Variants in METTL22 observed in about 807,000 individuals in gnomAD.
The protein encoded by METTL22 is methyltransferase-like protein 22.
METTL22 carries 51 observed loss-of-function variants against 48.4 expected under a neutral mutation model. That is an observed-to-expected ratio of 1.05 (90% CI 0.84 to 1.33). METTL22 has a LOEUF of 1.33. Among genes scored for constraint, METTL22 ranks in the 40% most tolerant of loss-of-function variants. The probability of loss-of-function intolerance (pLI) is 0.00; values close to 1 mark genes in which losing one functional copy is unlikely to be tolerated. For missense variants in METTL22, 678 were observed against 526.9 expected (o/e 1.29, Z -2.81); for synonymous variants, 255 against 214.1 (o/e 1.19, Z -1.67).
At chr16:8,645,466 A>G (rs890455667) in intron 10 of METTL22, among the ~76,000 whole-genome samples, 1 of 152,176 alleles carries the variant, frequency 6.6e-6, no homozygotes, top group Non-Finnish European at 1.5e-5. Flanking sequence ...AGCAGCCCCA[A>G]TACATGATGC....
chr16:8,651,084 A>G (rs892428566), downstream of METTL22, among the ~76,000 whole-genome samples: 3 of 151,744 alleles, frequency 2.0e-5, no homozygotes, highest in Non-Finnish European at 4.4e-5. Context: ...TCACAGAATT[A>G]TTGTAAAGAT....
Position 8,645,966 on chromosome 16 carries a change from C to T in METTL22, c.1180-142C>T, listed in dbSNP as rs1185817561. On this transcript the variant is annotated intron_variant, in intron 10 of 10. Transcript: ENST00000381920. ...GCAACAAAGAAAGGAGGAAGCCGCC[C>T]GTCCGCTCCTGCCCCAGCTCGCCTG... 25 of 1,262,146 alleles carry T rather than the reference C, an allele frequency of 2.0e-5. No individual in the cohort carries two copies. In the Admixed American group the frequency reaches 1.1e-3, roughly 56 times the overall value. The allele number at this position is 1,262,146 out of a possible 1,614,324, so 78.2% of individuals were successfully genotyped here. A position where few individuals can be genotyped will look rare whatever the true frequency, so the allele number is the denominator to read the frequency against.
intron 5 of METTL22, among the ~76,000 whole-genome samples, chr16:8,636,435 G>T (rs1349862115): frequency 6.6e-6 from 1 of 151,422 alleles, no homozygotes; most frequent in Non-Finnish European, 1.5e-5. Context: ...CTACTTGGGA[G>T]GCTTGAACCT....
downstream of METTL22, among the ~76,000 whole-genome samples, chr16:8,652,806 G>T (rs1169499186): frequency 6.6e-6 from 1 of 152,144 alleles, no homozygotes; most frequent in Non-Finnish European, 1.5e-5. Flanking sequence ...ATGGGTCTGT[G>T]CATCAGTGAT....
chr16:8,641,250 C>T, intron 7 of METTL22, 66 bp downstream of exon 7: 1 of 1,523,298 alleles, frequency 6.6e-7, no homozygotes, highest in Non-Finnish European at 9.1e-7. Context: ...CTCAGTGCCC[C>T]TGGCTCTGTG....
chr16:8,664,985 G>A, the METTL22 span, among the ~76,000 whole-genome samples: 1 of 152,152 alleles, frequency 6.6e-6, no homozygotes, highest in Non-Finnish European at 1.5e-5. Flanking sequence ...TCCCTGGGGA[G>A]GAGGGACTCA....
chr16:8,644,410 C>A, intron 9 of METTL22, 147 bp from the exon 10 acceptor site: 1 of 740,388 alleles, frequency 1.4e-6, no homozygotes, highest in Non-Finnish European at 2.2e-6. Context: ...GAATTGCACT[C>A]ACACACTCAG....
chr16:8,638,724 C>G (rs1053226116), intron 5 of METTL22, among the ~76,000 whole-genome samples: 1 of 152,162 alleles, frequency 6.6e-6, no homozygotes, highest in Non-Finnish European at 1.5e-5. Flanking sequence ...TGACTTTGCT[C>G]AAGTCACTTA....
In METTL22 at chr16:8,623,157, T is replaced by A. The variant is rs571929660; in HGVS notation, c.-171+1382T>A. Among the ~76,000 whole-genome samples the A allele has an allele frequency of 2.0e-5, 3 of 151,910 alleles. No homozygotes were observed. In the East Asian group the frequency reaches 5.8e-4, roughly 29 times the overall value. On this transcript the variant is annotated intron_variant, in intron 1 of 10. Coordinates refer to ENST00000381920, the MANE Select transcript of METTL22 (RefSeq NM_024109.4). ...GGCAAAACCCCATCTTTACTAAAAA[T>A]ACAAAAATTAGGTGGACATTGTGGT...
At chr16:8,660,228 G>A in the METTL22 span, among the ~76,000 whole-genome samples, 2 of 152,046 alleles carry the variant, frequency 1.3e-5, no homozygotes, top group Admixed American at 1.3e-4. Context: ...CCAGGCTGGA[G>A]TGCAGTGGTG....
chr16:8,625,908 T>C, intron 2 of METTL22, 110 bp downstream of exon 2: 1 of 1,349,546 alleles, frequency 7.4e-7, no homozygotes, highest in Non-Finnish European at 1.0e-6. Flanking sequence ...ACTGTTATCC[T>C]CAGACCACTT....
chr16:8,665,967 C>G, the METTL22 span, among the ~76,000 whole-genome samples: 1 of 152,186 alleles, frequency 6.6e-6, no homozygotes, highest in Non-Finnish European at 1.5e-5. Context: ...TGAGCACAGA[C>G]TATGATAGCC....
rs983220357 is a variant in METTL22, at chr16:8,645,963, G to A, written c.1180-145G>A. 27 of 1,265,080 alleles carry A rather than the reference G, an allele frequency of 2.1e-5. No homozygotes were observed. The African/African-American group carries it at 2.8e-4, about 13-fold the overall frequency. 78.4% of individuals were successfully genotyped at this position (1,265,080 alleles called of 1,614,324 possible). A position where few individuals can be genotyped will look rare whatever the true frequency, so the allele number is the denominator to read the frequency against. On this transcript the variant is annotated intron_variant, in intron 10 of 10. Transcript: ENST00000381920. Reference sequence around the variant, plus strand: ...AGAGCAACAAAGAAAGGAGGAAGCCGCCCGTCCGCTCCTGCCCCAGCTCGC... The same window carrying A: ...AGAGCAACAAAGAAAGGAGGAAGCCACCCGTCCGCTCCTGCCCCAGCTCGC...
chr16:8,650,013 A>G (rs1446987615), downstream of METTL22, among the ~76,000 whole-genome samples: 3 of 152,086 alleles, frequency 2.0e-5, no homozygotes, highest in Admixed American at 6.5e-5. Context: ...AAGTTGCAAC[A>G]TGTCATCCCT....
intron 3 of METTL22, among the ~76,000 whole-genome samples, chr16:8,633,726 A>G (rs1446250071): frequency 6.6e-6 from 1 of 152,144 alleles, no homozygotes; most frequent in Non-Finnish European, 1.5e-5. Context: ...ATCCAATAAT[A>G]CTCGAAGCTG....
chr16:8,641,946 C>T, intron 7 of METTL22, 181 bp from the exon 8 acceptor site: 2 of 631,912 alleles, frequency 3.2e-6, no homozygotes, highest in Non-Finnish European at 5.7e-6. Flanking sequence ...TCCACCATGA[C>T]TCTGCACCCG....
In METTL22 at chr16:8,648,002, CTG is replaced by C. The variant is rs1188226534; in HGVS notation, c.*1862_*1863del. 1 of 152,274 alleles carries C rather than the reference CTG, an allele frequency of 6.6e-6. No individual in the cohort carries two copies. Among genetic ancestry groups the C allele is most frequent in the African/African-American group, 2.4e-5 (1 of 41,454 alleles). 9.4% of individuals were successfully genotyped at this position (152,274 alleles called of 1,614,324 possible). A position where few individuals can be genotyped will look rare whatever the true frequency, so the allele number is the denominator to read the frequency against. On this transcript the variant is annotated 3_prime_UTR_variant, in exon 11 of 11. Coordinates refer to ENST00000381920, the MANE Select transcript of METTL22 (RefSeq NM_024109.4). ...ATTCCCGCTGGAGCAGCAGCAGCAT[CTG>C]TGGCATCACGTGGATGCTGGTTAGA...
chr16:8,623,338 C>A (rs2055924158), intron 1 of METTL22, among the ~76,000 whole-genome samples: 1 of 150,246 alleles, frequency 6.7e-6, no homozygotes, highest in Non-Finnish European at 1.5e-5. Flanking sequence ...TGCGCTATGG[C>A]AAAAAAAGAA....
chr16:8,636,133 G>A (rs145802074), intron 5 of METTL22, among the ~76,000 whole-genome samples: 2 of 151,970 alleles, frequency 1.3e-5, no homozygotes, highest in Non-Finnish European at 2.9e-5. Flanking sequence ...GTCACCTTCT[G>A]GAATCCCCAG....
Sources: allele counts gnomAD v4.1 joint callset (sites outside exome capture counted in the v4.1 genomes callset), GRCh38; gene constraint gnomAD v4.1.1; transcripts MANE v1.5; gene names NCBI Gene and HGNC (gene_info 2026-07-23, HGNC 2026-07-21).